Variants in C3orf49 observed in about 807,000 individuals in gnomAD.
The protein encoded by C3orf49 is putative uncharacterized protein C3orf49.
In C3orf49, 27 loss-of-function variants were observed where a neutral mutation model predicts 13.3. That is an observed-to-expected ratio of 2.02 (90% CI 1.49 to 2.79). C3orf49 has a LOEUF of 2.79. Ranked by LOEUF, C3orf49 falls within the 30% of genes most tolerant of loss-of-function variation. The pLI is 0.00. For missense variants in C3orf49, 242 were observed against 134.2 expected, an observed-to-expected ratio of 1.80 and a Z score of -3.97; for synonymous variants, 87 against 47.6, an observed-to-expected ratio of 1.83 and a Z score of -3.40.
chr3:63,825,967 G>A (rs1701460714), intron 2 of C3orf49, among the ~76,000 whole-genome samples: 1 of 152,174 alleles, frequency 6.6e-6, no homozygotes, highest in Non-Finnish European at 1.5e-5. Context: ...CATAAAGATG[G>A]CTTACACAAG....
intron 5 of C3orf49, chr3:63,836,423 G>A: frequency 6.8e-7 from 1 of 1,476,476 alleles, no homozygotes; most frequent in Non-Finnish European, 9.4e-7. Flanking sequence ...AAAACAAAAT[G>A]TGTAATATCA....
the C3orf49 span, among the ~76,000 whole-genome samples, chr3:63,809,382 G>A: frequency 4.6e-5 from 7 of 152,136 alleles, no homozygotes; most frequent in African/African-American, 1.7e-4. Flanking sequence ...TCAAGTTTGG[G>A]ATAATCTGTT....
intron 5 of C3orf49, among the ~76,000 whole-genome samples, chr3:63,844,164 T>G (rs1701835806): frequency 6.6e-6 from 1 of 151,940 alleles, no homozygotes; most frequent in Admixed American, 6.6e-5. Context: ...CTCACAGAAA[T>G]AGAGAGTATA....
the C3orf49 span, among the ~76,000 whole-genome samples, chr3:63,811,049 T>C: frequency 2.6e-5 from 4 of 152,276 alleles, no homozygotes; most frequent in Non-Finnish European, 4.4e-5. Context: ...GATTTTGCCA[T>C]GTTGCCCAGG....
chr3:63,819,258 C>G (rs1281783250), upstream of C3orf49: 5 of 490,748 alleles, frequency 1.0e-5, no homozygotes, highest in African/African-American at 9.6e-5. Context: ...CACTGGTGAC[C>G]TCTGTGAAGT....
At chr3:63,825,120 C>A (rs1701450095) in intron 2 of C3orf49, among the ~76,000 whole-genome samples, 1 of 152,120 alleles carries the variant, frequency 6.6e-6, no homozygotes, top group African/African-American at 2.4e-5. Context: ...ATGTCATACT[C>A]TGTCATAACA....
At chr3:63,783,871 A>C in the C3orf49 span, among the ~76,000 whole-genome samples, 1 of 152,148 alleles carries the variant, frequency 6.6e-6, no homozygotes, top group Non-Finnish European at 1.5e-5. Context: ...GGTTGATGAC[A>C]GCAAGGAAGG....
chr3:63,831,288 G>A (rs753647571), intron 4 of C3orf49, 65 bp downstream of exon 4: 28 of 681,552 alleles, frequency 4.1e-5, no homozygotes, highest in Middle Eastern at 4.7e-4. Context: ...TTAAGTAAAC[G>A]CACAGCCCTG....
At chr3:63,794,371 AT>A in the C3orf49 span, among the ~76,000 whole-genome samples, 17,144 of 151,948 alleles carry the variant, frequency 0.11, 1,139 homozygotes, top group Non-Finnish European at 0.15. Flanking sequence ...TAACTCCTGC[AT>A]TATTCATTTT....
At chr3:63,837,903 CAA>C (rs1197611873) in intron 5 of C3orf49, 20 of 1,370,802 alleles carry the variant, frequency 1.5e-5, no homozygotes, top group Non-Finnish European at 1.9e-5. Context: ...TTTTACCTCA[CAA>C]CATTAAAAAC....
At chr3:63,846,001 T>C (rs1029494053) in intron 6 of C3orf49, 1 of 177,974 alleles carries the variant, frequency 5.6e-6, no homozygotes, top group African/African-American at 2.4e-5. Context: ...AAATTCTTAT[T>C]GGCATTCAGA....
chr3:63,825,885 T>C (rs916255665), intron 2 of C3orf49, among the ~76,000 whole-genome samples: 1 of 152,186 alleles, frequency 6.6e-6, no homozygotes, highest in African/African-American at 2.4e-5. Context: ...GCTCTAACTT[T>C]AGGGGAGGGG....
chr3:63,831,956 A>G (rs141112842), intron 5 of C3orf49, 112 bp downstream of exon 5: 7,276 of 591,270 alleles, frequency 0.012, 81 homozygotes, highest in African/African-American at 0.04. Flanking sequence ...GCACTTTGGG[A>G]GGCCGAGCGA....
the C3orf49 span, among the ~76,000 whole-genome samples, chr3:63,783,572 G>A: frequency 7.5e-6 from 1 of 132,898 alleles, no homozygotes; most frequent in East Asian, 2.4e-4. Flanking sequence ...ACACAAATTA[G>A]CCAGGTGTGG....
chr3:63,789,697 G>A, the C3orf49 span, among the ~76,000 whole-genome samples: 8 of 151,212 alleles, frequency 5.3e-5, no homozygotes, highest in Non-Finnish European at 8.8e-5. Flanking sequence ...TGTAATCCCA[G>A]CTACTAGGGA....
the C3orf49 span, among the ~76,000 whole-genome samples, chr3:63,808,413 A>G: frequency 1.3e-5 from 2 of 152,172 alleles, no homozygotes; most frequent in African/African-American, 4.8e-5. Flanking sequence ...CGAAGTCACA[A>G]TGCATTTGGA....
the C3orf49 span, among the ~76,000 whole-genome samples, chr3:63,795,706 A>C: frequency 2.6e-5 from 4 of 152,116 alleles, no homozygotes; most frequent in South Asian, 6.2e-4. Flanking sequence ...GTCTTTGATG[A>C]ACTACGTATT....
At chr3:63,808,167 TCTGG>T in the C3orf49 span, among the ~76,000 whole-genome samples, 1 of 152,194 alleles carries the variant, frequency 6.6e-6, no homozygotes, top group African/African-American at 2.4e-5. Context: ...ATTAGAAGCC[TCTGG>T]CTGGACCAGT....
the C3orf49 span, among the ~76,000 whole-genome samples, chr3:63,801,092 G>A: frequency 6.6e-6 from 1 of 152,054 alleles, no homozygotes. Flanking sequence ...CCCTGGGGAA[G>A]GGAAAAAAGG....
Sources: allele counts gnomAD v4.1 joint callset (sites outside exome capture counted in the v4.1 genomes callset), GRCh38; gene constraint gnomAD v4.1.1; transcripts MANE v1.5; gene names NCBI Gene and HGNC (gene_info 2026-07-23, HGNC 2026-07-21).